CCDC178: variants seen among roughly 807,000 people sequenced by gnomAD.
The protein encoded by CCDC178 is coiled-coil domain-containing protein 178.
A neutral mutation model predicts 117.4 loss-of-function variants in CCDC178; 126 were observed. That is an observed-to-expected ratio of 1.07 (90% CI 0.93 to 1.24). The LOEUF (loss-of-function observed/expected upper bound fraction) is 1.24. Among genes scored for constraint, CCDC178 ranks in the 50% most tolerant of loss-of-function variants. CCDC178 has a pLI of 0.00. For synonymous variants in CCDC178, 283 were observed against 313.4 expected (o/e 0.90, Z 1.02); for missense variants, 1,030 against 986.9 (o/e 1.04, Z -0.59).
intron 21 of CCDC178, among the ~76,000 whole-genome samples, chr18:33,036,398 G>A (rs1205440105): frequency 6.6e-6 from 1 of 151,792 alleles, no homozygotes; most frequent in African/African-American, 2.4e-5. Context: ...AAGTGATTAA[G>A]ACATGGTGCT....
rs567323572 is a variant in CCDC178, at chr18:33,386,347, C to T, written c.208+3193G>A. On this transcript the variant is annotated intron_variant, in intron 5 of 22. Transcript: ENST00000383096. ...TTGAAAAGGAGGGACTCCTCCCTAA[C>T]TCATTTTATGAGGCCAGCATCATCC... is the stretch of plus-strand genomic sequence containing the variant. Among the ~76,000 whole-genome samples, 285 of 152,292 alleles carry T rather than the reference C, an allele frequency of 1.9e-3. 3 individuals are homozygous for T. The highest frequency in any genetic ancestry group is 6.6e-3 in the African/African-American group (275 of 41,550).
chr18:32,999,386 T>C (rs2055585076), intron 21 of CCDC178, among the ~76,000 whole-genome samples: 2 of 152,182 alleles, frequency 1.3e-5, no homozygotes, highest in Non-Finnish European at 2.9e-5. Flanking sequence ...ACAGCATCTC[T>C]GGACCCACTC....
At chr18:33,343,865 A>G (rs374977340) in intron 9 of CCDC178, among the ~76,000 whole-genome samples, 3 of 152,186 alleles carry the variant, frequency 2.0e-5, no homozygotes, top group Non-Finnish European at 4.4e-5. Flanking sequence ...TTGAGAATCT[A>G]AAGACTATAA....
In CCDC178 at chr18:32,938,082, A is replaced by AAG. The variant is rs1453736444; in HGVS notation, c.2531_2532dup (p.Ser845LeufsTer4). 3.1e-6 allele frequency: 5 copies of AAG among 1,612,714 alleles called. No individual in the cohort carries two copies. In the East Asian group the frequency reaches 1.1e-4, roughly 36 times the overall value. On this transcript the variant is annotated frameshift_variant, in exon 23 of 23. Coordinates refer to ENST00000383096, the MANE Select transcript of CCDC178 (RefSeq NM_001105528.4). LOFTEE classifies it high-confidence loss of function. The stretch of plus-strand genomic sequence containing the variant: ...CCTAAGATGTGTTGCATTAAATTTG[A>AAG]AGATTCCTCCTGTTCAGAAGCAAGA...
chr18:33,199,577 T>C (rs1183588021), intron 20 of CCDC178, among the ~76,000 whole-genome samples: 4 of 152,240 alleles, frequency 2.6e-5, no homozygotes, highest in Non-Finnish European at 1.5e-5. Context: ...CTTGTTGTCA[T>C]CTGGAATGAT....
At chr18:33,202,762 C>A (rs554562439) in intron 20 of CCDC178, among the ~76,000 whole-genome samples, 67 of 152,260 alleles carry the variant, frequency 4.4e-4, no homozygotes, top group African/African-American at 1.5e-3. Context: ...CATTACACTC[C>A]ACAAAAAGTT....
chr18:33,210,923 C>T (rs549459228), intron 20 of CCDC178, among the ~76,000 whole-genome samples: 1 of 152,020 alleles, frequency 6.6e-6, no homozygotes, highest in South Asian at 2.1e-4. Context: ...TTCTTATAGA[C>T]AAACCAATAG....
intron 20 of CCDC178, among the ~76,000 whole-genome samples, chr18:33,113,143 A>T (rs545254248): frequency 6.6e-6 from 1 of 152,144 alleles, no homozygotes; most frequent in South Asian, 2.1e-4. Flanking sequence ...TTAAGATTAA[A>T]AGTCTGCTGA....
chr18:33,397,268 C>T (rs2144848831), intron 3 of CCDC178, 60 bp from the exon 4 acceptor site: 1 of 1,058,190 alleles, frequency 9.5e-7, no homozygotes, highest in Admixed American at 2.0e-5. Context: ...ATATTCTGCC[C>T]TATATTGCAC....
intron 5 of CCDC178, among the ~76,000 whole-genome samples, chr18:33,382,155 C>T (rs1255505146): frequency 6.6e-6 from 1 of 151,970 alleles, no homozygotes; most frequent in Non-Finnish European, 1.5e-5. Flanking sequence ...GAAAAATTCC[C>T]AGAGTAGTAA....
rs908625760 is a variant in CCDC178, at chr18:32,966,670, C to T, written c.2523+7877G>A. 2.0e-5 allele frequency among the ~76,000 whole-genome samples: 3 copies of T among 151,888 alleles called. No homozygotes were observed. In the East Asian group the frequency reaches 5.8e-4, roughly 29 times the overall value. The stretch of plus-strand genomic sequence containing the variant: ...AATCTTCCAAATACATTTAGAATCA[C>T]CTTCTTGAGCTTCACACACAAATTT... On this transcript the variant is annotated intron_variant, in intron 22 of 22. Coordinates refer to ENST00000383096, the MANE Select transcript of CCDC178 (RefSeq NM_001105528.4).
At chr18:33,411,573 A>C (rs1247420460) in intron 3 of CCDC178, among the ~76,000 whole-genome samples, 1 of 152,034 alleles carries the variant, frequency 6.6e-6, no homozygotes, top group South Asian at 2.1e-4. Flanking sequence ...ATAAAATCAT[A>C]TAATTTTAAA....
At chr18:33,181,402 A>G (rs2058731254) in intron 20 of CCDC178, among the ~76,000 whole-genome samples, 1 of 151,926 alleles carries the variant, frequency 6.6e-6, no homozygotes, top group African/African-American at 2.4e-5. Context: ...AAATAAAAGG[A>G]CATTTGTGTT....
intron 2 of CCDC178, among the ~76,000 whole-genome samples, chr18:33,413,973 C>T (rs1474782161): frequency 3.3e-5 from 5 of 152,104 alleles, no homozygotes; most frequent in Admixed American, 3.3e-4. Flanking sequence ...CATTCTTGCC[C>T]ATTTTGTGTG....
intron 20 of CCDC178, among the ~76,000 whole-genome samples, chr18:33,098,676 A>G (rs554504843): frequency 1.1e-3 from 172 of 152,098 alleles, no homozygotes; most frequent in Middle Eastern, 6.8e-3. Context: ...GAAAACAAAA[A>G]ATGTATTGTT....
chr18:33,357,829 T>C (rs1022451544), intron 6 of CCDC178, among the ~76,000 whole-genome samples: 94 of 48,486 alleles, frequency 1.9e-3, no homozygotes, highest in Non-Finnish European at 3.2e-3. Context: ...TATATATATG[T>C]GTATGCATGT....
chr18:33,137,336 T>A (rs796201429), intron 20 of CCDC178, among the ~76,000 whole-genome samples: 34 of 152,286 alleles, frequency 2.2e-4, no homozygotes, highest in African/African-American at 8.2e-4. Flanking sequence ...TAAAATATAG[T>A]CTAAGGCATA....
At chr18:33,154,285 A>C (rs949369715) in intron 20 of CCDC178, among the ~76,000 whole-genome samples, 5 of 152,160 alleles carry the variant, frequency 3.3e-5, no homozygotes, top group Admixed American at 6.5e-5. Flanking sequence ...TCAGAACAAA[A>C]ATCAACGGAC....
Position 32,988,357 on chromosome 18 carries a change from A to T in CCDC178, c.2389-13676T>A, listed in dbSNP as rs376047513. ...AGGCTGAGGCAGGAGAATCGCTTGA[A>T]CCCAGGAGGCGGAGGTTGCAGCGAG... On this transcript the variant is annotated intron_variant, in intron 21 of 22. Coordinates refer to ENST00000383096, the MANE Select transcript of CCDC178 (RefSeq NM_001105528.4). 1.1e-4 allele frequency among the ~76,000 whole-genome samples: 17 copies of T among 151,670 alleles called. No homozygotes were observed. The East Asian group carries it at 2.7e-3, about 24-fold the overall frequency.
Sources: allele counts gnomAD v4.1 joint callset (sites outside exome capture counted in the v4.1 genomes callset), GRCh38; gene constraint gnomAD v4.1.1; transcripts MANE v1.5; gene names NCBI Gene and HGNC (gene_info 2026-07-23, HGNC 2026-07-21).